FUCA1: variants seen among roughly 807,000 people sequenced by gnomAD.
FUCA1 encodes the protein tissue alpha-L-fucosidase.
Under a neutral mutation model 56.8 loss-of-function variants are expected in FUCA1, and 52 were observed. That is an observed-to-expected ratio of 0.92 (90% CI 0.73 to 1.15). The LOEUF (loss-of-function observed/expected upper bound fraction) is 1.15, where lower values mean the gene tolerates loss of function less well. Ranked by LOEUF, FUCA1 falls within the 50% of genes most tolerant of loss-of-function variation. FUCA1 has a pLI of 0.00. For synonymous variants in FUCA1, 230 were observed against 226.6 expected, an observed-to-expected ratio of 1.02 and a Z score of -0.14; for missense variants, 568 against 592.6, an observed-to-expected ratio of 0.96 and a Z score of 0.43.
intron 5 of FUCA1, among the ~76,000 whole-genome samples, chr1:23,852,100 T>TAATAATAATAAA (rs370893792): frequency 0.07 from 10,506 of 149,538 alleles, 428 homozygotes; most frequent in East Asian, 0.19. Flanking sequence ...ATAATAATAA[T>TAATAATAATAAA]AAAAAGTGGT....
intron 4 of FUCA1, among the ~76,000 whole-genome samples, chr1:23,858,458 G>C (rs972232911): frequency 6.6e-6 from 1 of 152,166 alleles, no homozygotes; most frequent in Non-Finnish European, 1.5e-5. Context: ...AACAAATCTA[G>C]AACATGTACA....
chr1:23,855,033 C>A (rs1639363744), intron 4 of FUCA1, among the ~76,000 whole-genome samples: 1 of 151,356 alleles, frequency 6.6e-6, no homozygotes, highest in Admixed American at 6.6e-5. Flanking sequence ...TATCTGAACC[C>A]ATGGCAGGCT....
intron 6 of FUCA1, among the ~76,000 whole-genome samples, chr1:23,847,852 T>G (rs1381412409): frequency 6.6e-6 from 1 of 152,106 alleles, no homozygotes; most frequent in Non-Finnish European, 1.5e-5. Context: ...TGAAACCCCA[T>G]CTCTACTAAA....
chr1:23,849,036 T>C (rs1335512482), intron 5 of FUCA1, among the ~76,000 whole-genome samples, 197 bp from the exon 6 acceptor site: 1 of 152,120 alleles, frequency 6.6e-6, no homozygotes, highest in Non-Finnish European at 1.5e-5. Context: ...GGCGTGATCT[T>C]GGCTCAACTG....
intron 3 of FUCA1, among the ~76,000 whole-genome samples, chr1:23,860,583 C>CA (rs532619184): frequency 0.053 from 2,627 of 50,032 alleles, 76 homozygotes; most frequent in African/African-American, 0.13. Flanking sequence ...AACTCCGTCT[C>CA]AAAAAAAAAA....
At chr1:23,848,573 A>G in intron 6 of FUCA1, 76 bp downstream of exon 6, 2 of 1,409,494 alleles carry the variant, frequency 1.4e-6, no homozygotes, top group Non-Finnish European at 2.0e-6. Context: ...GGCTTGTGAC[A>G]TTGTGGACCC....
chr1:23,853,181 G>A (rs1165259040), intron 5 of FUCA1, among the ~76,000 whole-genome samples: 3 of 146,840 alleles, frequency 2.0e-5, no homozygotes, highest in Admixed American at 6.7e-5. Context: ...CCGTCTGGGA[G>A]GTGAGGAGCG....
intron 4 of FUCA1, 115 bp from the exon 5 acceptor site, chr1:23,854,675 G>A (rs572309165): frequency 4.6e-6 from 4 of 873,408 alleles, no homozygotes; most frequent in Non-Finnish European, 7.6e-6. Flanking sequence ...AGCAGTGGCT[G>A]TCAACTGGGG....
At chr1:23,850,797 T>C (rs1360029378) in intron 5 of FUCA1, among the ~76,000 whole-genome samples, 3 of 152,090 alleles carry the variant, frequency 2.0e-5, no homozygotes, top group Non-Finnish European at 2.9e-5. Context: ...CTTATTTTTA[T>C]TTTTTAAAAT....
rs141898837 is a variant in FUCA1, at chr1:23,856,608, A to C, written c.769-2048T>G. 9.2e-5 allele frequency among the ~76,000 whole-genome samples: 14 copies of C among 152,336 alleles called. No homozygotes were observed. The East Asian group carries it at 2.7e-3, about 29-fold the overall frequency. ...TAAATCCTGGTAGAAATGAAGGAGA[A>C]TCTACAGTCCCCATATGTCTGCGAA... On this transcript the variant is annotated intron_variant, in intron 4 of 7. Transcript: ENST00000374479.
intron 1 of FUCA1, among the ~76,000 whole-genome samples, chr1:23,866,707 C>A (rs1639631037): frequency 6.6e-6 from 1 of 152,186 alleles, no homozygotes. Flanking sequence ...GGCCAGTTTG[C>A]AGACCCTGGT....
chr1:23,847,890 C>T (rs1467521670), intron 6 of FUCA1, among the ~76,000 whole-genome samples: 5 of 152,058 alleles, frequency 3.3e-5, no homozygotes, highest in Non-Finnish European at 7.4e-5. Flanking sequence ...GGCGTGGTGG[C>T]GGGTGCCTAT....
chr1:23,854,495 G>T lies in FUCA1; in HGVS notation c.834C>A (p.Asn278Lys). The T allele has an allele frequency of 6.2e-7, 1 of 1,613,972 alleles. No individual in the cohort carries two copies. Among genetic ancestry groups the T allele is most frequent in the Non-Finnish European group, 8.5e-7 (1 of 1,179,870 alleles). ...NCSCHHGGYY[N>K]CEDKFKPQSL... ...TCTGTGGCTTGAATTTATCTTCACAGTTATAGTATCCTCCATGGTGACAGG... is the reference window on the plus strand; with the variant it reads ...TCTGTGGCTTGAATTTATCTTCACATTTATAGTATCCTCCATGGTGACAGG... The change falls in exon 5 of 8, where the codon AAC (asparagine) becomes AAA (lysine). Residue 278 changes from asparagine (N) to lysine (K), a missense_variant. Physicochemically the swap from Asn to Lys is moderately conservative, Grantham distance 94 (BLOSUM62 0). Transcript: ENST00000374479.
Position 23,851,575 on chromosome 1 carries a change from A to G in FUCA1, c.970-2736T>C, listed in dbSNP as rs113246481. ...TCCAGAGTACTTCCATCACTCTTAC[A>G]TAAAAAAGCTGGTTTTGCAGCCATA... On this transcript the variant is annotated intron_variant, in intron 5 of 7. Transcript: ENST00000374479. Among the ~76,000 whole-genome samples, 10 of 152,240 alleles carry G rather than the reference A, an allele frequency of 6.6e-5. 1 individual carries two copies. Among genetic ancestry groups the G allele is most frequent in the African/African-American group, 2.2e-4 (9 of 41,538 alleles).
chr1:23,858,026 T>C (rs1322422652), intron 4 of FUCA1, among the ~76,000 whole-genome samples: 1 of 151,778 alleles, frequency 6.6e-6, no homozygotes, highest in Admixed American at 6.6e-5. Context: ...TTTTTCTTTC[T>C]TCCCATTTTC....
At position 23,863,157 on chromosome 1, in the gene FUCA1, T is replaced by C. The variant is rs200409671; in HGVS notation, c.639A>G (p.Pro213=). The change falls in exon 3 of 8, where the codon CCA becomes CCG. Residue 213 remains proline (P), a synonymous_variant. Transcript: ENST00000374479. ...TQHFVSAKTM[P]ELYDLVNSYK... ...ACCTGTTAACAAGGTCGTACAGCTC[T>C]GGCATTGTTTTTGCACTGACAAAAT... is the stretch of plus-strand genomic sequence containing the variant. The C allele has an allele frequency of 3.0e-5, 49 of 1,614,032 alleles. No homozygotes were observed. The African/African-American group carries it at 6.3e-4, about 21-fold the overall frequency.
intron 5 of FUCA1, among the ~76,000 whole-genome samples, chr1:23,853,422 C>T (rs369374550): frequency 0.1 from 15,593 of 150,760 alleles, 791 homozygotes; most frequent in East Asian, 0.2. Context: ...GGCCAGCCGC[C>T]CCGTCCGGGA....
Position 23,848,749 on chromosome 1 carries a change from T to C in FUCA1, c.1060A>G (p.Arg354Gly). 1 of 1,614,106 alleles carries C rather than the reference T, an allele frequency of 6.2e-7. No individual in the cohort carries two copies. Among genetic ancestry groups the C allele is most frequent in the Non-Finnish European group, 8.5e-7 (1 of 1,179,932 alleles). ...AGCCATTTCCCAACAGCAAGAAGCCTTTCTTGGAAGATGGGAACAATCAGT... is the reference window on the plus strand; with the variant it reads ...AGCCATTTCCCAACAGCAAGAAGCCCTTCTTGGAAGATGGGAACAATCAGT... ...DGLIVPIFQE[R>G]LLAVGKWLSI... The change falls in exon 6 of 8, where the codon AGG becomes GGG. Residue 354 changes from arginine (R) to glycine (G), a missense_variant. By Grantham distance (125) the Arg-to-Gly change is moderately radical. Transcript: ENST00000374479.
At chr1:23,853,385 G>T (rs1436378759) in intron 5 of FUCA1, among the ~76,000 whole-genome samples, 27 of 148,362 alleles carry the variant, frequency 1.8e-4, no homozygotes, top group Admixed American at 1.8e-3. Flanking sequence ...CGTCCGGGAG[G>T]GAGGTGGGGG....
Sources: allele counts gnomAD v4.1 joint callset (sites outside exome capture counted in the v4.1 genomes callset), GRCh38; gene constraint gnomAD v4.1.1; transcripts MANE v1.5; gene names NCBI Gene and HGNC (gene_info 2026-07-23, HGNC 2026-07-21).